PRKCA: variants seen among roughly 807,000 people sequenced by gnomAD.
PRKCA encodes protein kinase C alpha type.
PRKCA carries 27 observed loss-of-function variants against 87.0 expected under a neutral mutation model. That is an observed-to-expected ratio of 0.31 (90% CI 0.23 to 0.43). The LOEUF is 0.43. PRKCA is among the 20% of genes least tolerant of loss of function. PRKCA has a pLI of 1.00. For missense variants in PRKCA, 518 were observed against 852.3 expected (o/e 0.61, Z 4.88); for synonymous variants, 329 against 311.1 (o/e 1.06, Z -0.61).
intron 2 of PRKCA, among the ~76,000 whole-genome samples, chr17:66,350,243 G>T (rs1269548327): frequency 2.0e-5 from 3 of 152,062 alleles, no homozygotes; most frequent in Non-Finnish European, 4.4e-5. Context: ...CTCGGTGTAG[G>T]TAACAGGCAA....
chr17:66,303,055 C>T (rs375656726), intron 1 of PRKCA, 31 bp downstream of exon 1: 1 of 1,584,876 alleles, frequency 6.3e-7, no homozygotes, highest in South Asian at 1.1e-5. Flanking sequence ...TCCTGCCCCG[C>T]TCCTCCCCGC....
chr17:66,354,468 G>A (rs939288330), intron 2 of PRKCA, among the ~76,000 whole-genome samples: 19 of 152,174 alleles, frequency 1.2e-4, no homozygotes, highest in African/African-American at 4.6e-4. Flanking sequence ...TCTAAGCTGT[G>A]TTGGGAGCCA....
intron 4 of PRKCA, among the ~76,000 whole-genome samples, chr17:66,643,515 A>G (rs1288921282): frequency 2.0e-5 from 3 of 152,264 alleles, no homozygotes; most frequent in Admixed American, 2.0e-4. Flanking sequence ...ATGCTAATAA[A>G]ATAACACTCA....
chr17:66,686,285 A>G (rs185823988), intron 5 of PRKCA, among the ~76,000 whole-genome samples: 9 of 152,160 alleles, frequency 5.9e-5, no homozygotes, highest in Admixed American at 2.0e-4. Context: ...TTTGATTCCC[A>G]TATCAGGTTT....
intron 13 of PRKCA, among the ~76,000 whole-genome samples, chr17:66,760,610 C>A (rs1974661246): frequency 6.6e-6 from 1 of 152,098 alleles, no homozygotes; most frequent in Non-Finnish European, 1.5e-5. Context: ...AAAGGAAGTT[C>A]TTTGAAAACA....
intron 2 of PRKCA, among the ~76,000 whole-genome samples, chr17:66,479,788 AGTG>A (rs1422117184): frequency 6.6e-6 from 1 of 152,196 alleles, no homozygotes; most frequent in Non-Finnish European, 1.5e-5. Context: ...CTCACTTATA[AGTG>A]ACAGCTAAAC....
chr17:66,785,922 A>G (rs1387339606), intron 14 of PRKCA, among the ~76,000 whole-genome samples: 1 of 152,260 alleles, frequency 6.6e-6, no homozygotes, highest in East Asian at 1.9e-4. Context: ...CCCGCCTCCC[A>G]GGTTCAGGCC....
intron 3 of PRKCA, among the ~76,000 whole-genome samples, chr17:66,539,428 G>A (rs917078808): frequency 6.6e-6 from 1 of 150,476 alleles, no homozygotes. Context: ...TTTTGAGATG[G>A]AGTCTTGCTC....
intron 2 of PRKCA, among the ~76,000 whole-genome samples, chr17:66,483,966 T>G (rs546435191): frequency 4.1e-4 from 62 of 152,078 alleles, no homozygotes; most frequent in Non-Finnish European, 7.1e-4. Flanking sequence ...GATAAAGAGA[T>G]ACCCGAGACT....
At position 66,684,032 on chromosome 17, in the gene PRKCA, A is replaced by G. The variant is rs1972560729; in HGVS notation, c.530-3079A>G. On this transcript the variant is annotated intron_variant, in intron 5 of 16. Transcript: ENST00000413366. ...TTCCTTACAACTATTCCTATGAGTAATGCCCCCTAGCATTGCCTCTTAGCC... is the reference window on the plus strand; with the variant it reads ...TTCCTTACAACTATTCCTATGAGTAGTGCCCCCTAGCATTGCCTCTTAGCC... Among the ~76,000 whole-genome samples, 3 of 152,206 alleles carry G rather than the reference A, an allele frequency of 2.0e-5. 1 individual carries two copies. The South Asian group carries it at 6.2e-4, about 32-fold the overall frequency.
At chr17:66,697,831 GACAGTGA>G (rs1972963056) in intron 8 of PRKCA, among the ~76,000 whole-genome samples, 1 of 151,448 alleles carries the variant, frequency 6.6e-6, no homozygotes, top group South Asian at 2.1e-4. Context: ...TGCCCCCATG[GACAGTGA>G]ATGCAAGCGT....
chr17:66,452,166 C>T (rs188575941), intron 2 of PRKCA, among the ~76,000 whole-genome samples: 11 of 152,312 alleles, frequency 7.2e-5, no homozygotes, highest in African/African-American at 1.7e-4. Context: ...AAAATACTGC[C>T]GGTGGCTTCA....
intron 2 of PRKCA, among the ~76,000 whole-genome samples, chr17:66,484,210 C>T (rs1374943991): frequency 6.6e-6 from 1 of 152,170 alleles, no homozygotes; most frequent in African/African-American, 2.4e-5. Context: ...ATTCAGTTGT[C>T]TCCCACTGGG....
At chr17:66,793,505 G>A (rs549165549) in intron 16 of PRKCA, among the ~76,000 whole-genome samples, 3 of 146,322 alleles carry the variant, frequency 2.1e-5, no homozygotes, top group Non-Finnish European at 4.4e-5. Context: ...CAGGAGAATC[G>A]CTTGAACCTG....
intron 2 of PRKCA, among the ~76,000 whole-genome samples, chr17:66,378,823 C>T (rs1487772853): frequency 6.6e-6 from 1 of 151,498 alleles, no homozygotes; most frequent in African/African-American, 2.4e-5. Flanking sequence ...AATGCTTGAA[C>T]TCAGGAGGCA....
intron 13 of PRKCA, among the ~76,000 whole-genome samples, chr17:66,770,159 A>G (rs1974900986): frequency 1.3e-5 from 2 of 152,252 alleles, no homozygotes; most frequent in Admixed American, 6.5e-5. Context: ...TGGAAAGACA[A>G]GAAGCAGATC....
At chr17:66,386,250 G>A (rs559682154) in intron 2 of PRKCA, among the ~76,000 whole-genome samples, 1 of 152,188 alleles carries the variant, frequency 6.6e-6, no homozygotes, top group Admixed American at 6.5e-5. Flanking sequence ...TTCACCATCA[G>A]CACAGAGACA....
In PRKCA at chr17:66,699,210, C is replaced by CA. The variant is rs59337509; in HGVS notation, c.918+10183dup. 5.3e-3 allele frequency among the ~76,000 whole-genome samples: 558 copies of CA among 105,502 alleles called. 3 individuals carry two copies. The highest frequency in any genetic ancestry group is 0.01 in the East Asian group (38 of 3,714). 69.2% of individuals were successfully genotyped at this position (105,502 alleles called of 152,430 possible). On this transcript the variant is annotated intron_variant, in intron 8 of 16. Coordinates refer to ENST00000413366, the MANE Select transcript of PRKCA (RefSeq NM_002737.3). ...TGGGCAACATAACTAGACTGTCTCT[C>CA]AAAAAAAAAAAAAAAAAAAAGATTA...
At chr17:66,793,158 A>C (rs1282605450) in intron 16 of PRKCA, among the ~76,000 whole-genome samples, 1 of 152,210 alleles carries the variant, frequency 6.6e-6, no homozygotes, top group Non-Finnish European at 1.5e-5. Flanking sequence ...TCAAGGAAGC[A>C]CAATGTGAAG....
Sources: gnomAD v4.1 joint callset for allele counts (sites outside exome capture counted in the v4.1 genomes callset) on GRCh38, gnomAD v4.1.1 for gene constraint, MANE v1.5 for transcripts, NCBI Gene and HGNC (gene_info 2026-07-23, HGNC 2026-07-21) for gene names.